KCNQ5: variants seen among roughly 807,000 people sequenced by gnomAD.
KCNQ5 encodes potassium voltage-gated channel subfamily KQT member 5.
A neutral mutation model predicts 98.2 loss-of-function variants in KCNQ5; 30 were observed. That is an observed-to-expected ratio of 0.31 (90% CI 0.23 to 0.41). The LOEUF (loss-of-function observed/expected upper bound fraction) is 0.41, where lower values mean the gene tolerates loss of function less well. KCNQ5 is among the 10% of genes least tolerant of loss of function. The pLI, the probability that KCNQ5 is intolerant of heterozygous loss-of-function variation, is 1.00. For missense variants in KCNQ5, 835 were observed against 1,182.5 expected (o/e 0.71, Z 4.31); for synonymous variants, 458 against 449.4 (o/e 1.02, Z -0.24).
intron 1 of KCNQ5, among the ~76,000 whole-genome samples, chr6:72,899,379 G>A (rs1296260882): frequency 7.9e-5 from 12 of 151,900 alleles, no homozygotes; most frequent in Admixed American, 6.6e-4. Flanking sequence ...GCTGTGCATT[G>A]GCTTTTTCCT....
intron 3 of KCNQ5, among the ~76,000 whole-genome samples, chr6:73,058,305 G>A (rs575067994): frequency 7.9e-5 from 12 of 152,196 alleles, no homozygotes; most frequent in Admixed American, 3.9e-4. Context: ...CCAGCTACTC[G>A]GGAGGCTGAG....
At chr6:72,905,002 A>G (rs1397639277) in intron 1 of KCNQ5, among the ~76,000 whole-genome samples, 2 of 152,126 alleles carry the variant, frequency 1.3e-5, no homozygotes, top group Non-Finnish European at 2.9e-5. Context: ...TCCCTCAGGA[A>G]TGCTAATTAT....
chr6:73,084,026 A>G (rs1206032201), intron 5 of KCNQ5, among the ~76,000 whole-genome samples: 1 of 152,148 alleles, frequency 6.6e-6, no homozygotes, highest in Non-Finnish European at 1.5e-5. Context: ...CTGTCATCCC[A>G]AACCCACCCA....
intron 1 of KCNQ5, among the ~76,000 whole-genome samples, chr6:72,696,851 A>C (rs1427954509): frequency 6.6e-6 from 1 of 152,200 alleles, no homozygotes; most frequent in Non-Finnish European, 1.5e-5. Flanking sequence ...CATAAAGAAG[A>C]AATATATATA....
At chr6:72,677,823 T>A (rs1182856621) in intron 1 of KCNQ5, among the ~76,000 whole-genome samples, 1 of 152,200 alleles carries the variant, frequency 6.6e-6, no homozygotes, top group Non-Finnish European at 1.5e-5. Context: ...CAAAGTTGAG[T>A]GAGCAGACTT....
intron 1 of KCNQ5, among the ~76,000 whole-genome samples, chr6:72,858,395 A>C (rs1313866733): frequency 6.6e-6 from 1 of 151,990 alleles, no homozygotes; most frequent in Non-Finnish European, 1.5e-5. Flanking sequence ...TCTTTTTTCC[A>C]AGAAAAGAGA....
intron 1 of KCNQ5, among the ~76,000 whole-genome samples, chr6:72,737,582 T>C (rs1770915902): frequency 6.6e-6 from 1 of 152,164 alleles, no homozygotes; most frequent in African/African-American, 2.4e-5. Flanking sequence ...CCTGCGAATT[T>C]TGGCTCATTA....
intron 2 of KCNQ5, among the ~76,000 whole-genome samples, chr6:73,029,498 G>GTTT (rs34556698): frequency 2.7e-5 from 4 of 147,992 alleles, no homozygotes; most frequent in Non-Finnish European, 5.9e-5. Context: ...CCTCAACTCA[G>GTTT]TTTTTTTTTT....
intron 3 of KCNQ5, chr6:73,055,240 G>C: frequency 7.9e-7 from 1 of 1,266,938 alleles, no homozygotes; most frequent in Non-Finnish European, 1.2e-6. Context: ...CTGGCTATGA[G>C]TTTGACATCT....
rs561756090 is a variant in KCNQ5 at position 72,971,348 on chromosome 6, C to T, written c.399-32560C>T. 2.6e-3 allele frequency among the ~76,000 whole-genome samples: 403 copies of T among 152,146 alleles called. 2 individuals carry two copies. Among genetic ancestry groups the T allele is most frequent in the Non-Finnish European group, 4.5e-3 (305 of 67,982 alleles). On this transcript the variant is annotated intron_variant, in intron 1 of 13. Transcript: ENST00000370398. Reference sequence around the variant, plus strand: ...AATCATTAAAAAGTCAGGAAACAACCGGTGCTGGAGAGGATGTGGAAAAAC... The same window carrying T: ...AATCATTAAAAAGTCAGGAAACAACTGGTGCTGGAGAGGATGTGGAAAAAC...
At chr6:72,745,076 G>T (rs1209715227) in intron 1 of KCNQ5, among the ~76,000 whole-genome samples, 1 of 152,156 alleles carries the variant, frequency 6.6e-6, no homozygotes, top group African/African-American at 2.4e-5. Context: ...CTACATTTAT[G>T]TTATTTTTCC....
At chr6:73,178,605 A>G (rs1411145577) in intron 11 of KCNQ5, among the ~76,000 whole-genome samples, 1 of 151,906 alleles carries the variant, frequency 6.6e-6, no homozygotes, top group Non-Finnish European at 1.5e-5. Flanking sequence ...CAGTGAGAAT[A>G]TCAGACAGAC....
intron 1 of KCNQ5, among the ~76,000 whole-genome samples, chr6:72,648,386 T>C (rs910233029): frequency 6.6e-6 from 1 of 152,180 alleles, no homozygotes; most frequent in Admixed American, 6.6e-5. Context: ...GGCAGTGTCA[T>C]TGTATAGGAA....
At chr6:73,151,275 A>G (rs551730066) in intron 10 of KCNQ5, among the ~76,000 whole-genome samples, 2 of 152,204 alleles carry the variant, frequency 1.3e-5, no homozygotes, top group South Asian at 4.2e-4. Flanking sequence ...TTTTCTATTT[A>G]TTTTAGTTAT....
At chr6:72,819,376 A>G (rs1029201388) in intron 1 of KCNQ5, among the ~76,000 whole-genome samples, 10 of 152,196 alleles carry the variant, frequency 6.6e-5, no homozygotes, top group Admixed American at 5.2e-4. Context: ...GCCCAGCAAT[A>G]AAGCTACTAA....
chr6:72,848,466 T>A (rs1777107423), intron 1 of KCNQ5, among the ~76,000 whole-genome samples: 1 of 152,160 alleles, frequency 6.6e-6, no homozygotes, highest in Admixed American at 6.6e-5. Flanking sequence ...CTAATGCTGG[T>A]TCATTAATAA....
At chr6:72,964,953 T>C (rs146929502) in intron 1 of KCNQ5, among the ~76,000 whole-genome samples, 1 of 151,926 alleles carries the variant, frequency 6.6e-6, no homozygotes, top group Non-Finnish European at 1.5e-5. Context: ...AAAAAAAAAT[T>C]CTTTTTTGGT....
At chr6:73,016,288 G>A (rs1770342713) in intron 2 of KCNQ5, among the ~76,000 whole-genome samples, 1 of 152,062 alleles carries the variant, frequency 6.6e-6, no homozygotes, top group East Asian at 1.9e-4. Flanking sequence ...AAGGACATAA[G>A]CTTTAGACAG....
At chr6:72,704,886 T>C (rs1768994381) in intron 1 of KCNQ5, among the ~76,000 whole-genome samples, 2 of 152,182 alleles carry the variant, frequency 1.3e-5, no homozygotes, top group South Asian at 4.1e-4. Flanking sequence ...ATGTTAACTT[T>C]GTAAATTTTG....
Sources: gnomAD v4.1 joint callset for allele counts (sites outside exome capture counted in the v4.1 genomes callset) on GRCh38, gnomAD v4.1.1 for gene constraint, MANE v1.5 for transcripts, NCBI Gene and HGNC (gene_info 2026-07-23, HGNC 2026-07-21) for gene names.